RHBDD1: variants seen among roughly 807,000 people sequenced by gnomAD.
RHBDD1 encodes rhomboid-related protein 4.
In RHBDD1, 38 loss-of-function variants were observed where a neutral mutation model predicts 36.3. That is an observed-to-expected ratio of 1.05 (90% confidence interval 0.81 to 1.37). The LOEUF is 1.37. Among genes scored for constraint, RHBDD1 ranks in the 40% most tolerant of loss-of-function variants. The pLI is 0.00. For synonymous variants in RHBDD1, 151 were observed against 136.5 expected, an observed-to-expected ratio of 1.11 and a Z score of -0.74; for missense variants, 393 against 377.6, an observed-to-expected ratio of 1.04 and a Z score of -0.34.
intron 8 of RHBDD1, among the ~76,000 whole-genome samples, chr2:226,940,446 G>A (rs905329212): frequency 3.3e-5 from 5 of 152,076 alleles, no homozygotes; most frequent in East Asian, 1.9e-4. Flanking sequence ...AAAGAGCCAC[G>A]TTGTTAAAAA....
chr2:226,891,357 G>A (rs953876969), intron 5 of RHBDD1, among the ~76,000 whole-genome samples: 6 of 152,278 alleles, frequency 3.9e-5, no homozygotes, highest in East Asian at 3.9e-4. Flanking sequence ...TCACAATGTG[G>A]TACCTTCCTT....
chr2:226,913,707 A>G (rs1453606644), intron 7 of RHBDD1, among the ~76,000 whole-genome samples: 1 of 152,174 alleles, frequency 6.6e-6, no homozygotes, highest in East Asian at 1.9e-4. Flanking sequence ...TAGAATTACA[A>G]TTACAGAGAA....
intron 8 of RHBDD1, among the ~76,000 whole-genome samples, chr2:226,917,887 A>C (rs1199759550): frequency 6.6e-6 from 1 of 152,058 alleles, no homozygotes; most frequent in Non-Finnish European, 1.5e-5. Flanking sequence ...TTAAAAAGAA[A>C]AGAAATCATA....
At chr2:226,823,280 C>T in the RHBDD1 span, among the ~76,000 whole-genome samples, 2 of 152,206 alleles carry the variant, frequency 1.3e-5, no homozygotes, top group African/African-American at 4.8e-5. Context: ...CTTCCAGAAC[C>T]ATGAGCAATC....
At chr2:226,839,149 T>C (rs1941336873) in intron 2 of RHBDD1, among the ~76,000 whole-genome samples, 1 of 152,198 alleles carries the variant, frequency 6.6e-6, no homozygotes, top group African/African-American at 2.4e-5. Context: ...TGTGTTTATA[T>C]TGTATATGAA....
At chr2:226,847,316 A>G (rs1454310459) in intron 3 of RHBDD1, among the ~76,000 whole-genome samples, 2 of 152,234 alleles carry the variant, frequency 1.3e-5, no homozygotes, top group African/African-American at 2.4e-5. Flanking sequence ...CAGCACATGC[A>G]TGCTATTTTC....
At chr2:226,876,477 C>T (rs1945253137) in intron 5 of RHBDD1, among the ~76,000 whole-genome samples, 1 of 152,204 alleles carries the variant, frequency 6.6e-6, no homozygotes, top group Non-Finnish European at 1.5e-5. Context: ...TATCACATAT[C>T]ATCCTTATAC....
At chr2:226,895,593 T>C (rs1947040369) in intron 5 of RHBDD1, 1 of 807,910 alleles carries the variant, frequency 1.2e-6, no homozygotes, top group Admixed American at 6.2e-5. Context: ...GGGAGATTCT[T>C]GTCCAGTTAT....
At position 226,991,841 on chromosome 2, in the gene RHBDD1, C is replaced by T. The variant is rs989253108; in HGVS notation, c.857-3590C>T. 7.2e-5 allele frequency among the ~76,000 whole-genome samples: 11 copies of T among 152,252 alleles called. No individual in the cohort carries two copies. In the South Asian group the frequency reaches 1.7e-3, roughly 23 times the overall value. Reference sequence around the variant, plus strand: ...CCCTGGAAGTCCCCTTTTTCAGTAGCCTCCTCTCACGTATGAGTCAACTGG... The same window carrying T: ...CCCTGGAAGTCCCCTTTTTCAGTAGTCTCCTCTCACGTATGAGTCAACTGG... On this transcript the variant is annotated intron_variant, in intron 8 of 8. Transcript: ENST00000392062.
chr2:226,982,286 G>A (rs1333388704), intron 8 of RHBDD1, among the ~76,000 whole-genome samples: 5 of 152,210 alleles, frequency 3.3e-5, no homozygotes, highest in Non-Finnish European at 5.9e-5. Context: ...AAAGATGGAT[G>A]CCAGGTGGCT....
intron 3 of RHBDD1, among the ~76,000 whole-genome samples, chr2:226,860,656 G>C (rs1007392709): frequency 1.3e-4 from 20 of 152,144 alleles, no homozygotes; most frequent in African/African-American, 4.8e-4. Flanking sequence ...TAACTGATTA[G>C]GAAGGAAACT....
At chr2:226,859,164 G>A (rs1943607202) in intron 3 of RHBDD1, among the ~76,000 whole-genome samples, 1 of 152,130 alleles carries the variant, frequency 6.6e-6, no homozygotes, top group Admixed American at 6.5e-5. Context: ...CTAATCTTGA[G>A]TCATTTGAGA....
At chr2:226,985,190 C>T (rs1418715838) in intron 8 of RHBDD1, among the ~76,000 whole-genome samples, 2 of 152,160 alleles carry the variant, frequency 1.3e-5, no homozygotes, top group Admixed American at 6.5e-5. Flanking sequence ...GCAGCATGCA[C>T]AATAGCAGGA....
At chr2:226,922,922 A>G (rs1159172675) in intron 8 of RHBDD1, among the ~76,000 whole-genome samples, 1 of 152,032 alleles carries the variant, frequency 6.6e-6, no homozygotes, top group African/African-American at 2.4e-5. Flanking sequence ...CTACACTTTA[A>G]CTTTGTCCCC....
At chr2:226,910,351 T>C (rs539892581) in intron 7 of RHBDD1, among the ~76,000 whole-genome samples, 1 of 152,338 alleles carries the variant, frequency 6.6e-6, no homozygotes, top group South Asian at 2.1e-4. Flanking sequence ...TCTGAAGTGA[T>C]TGGATTTCTT....
At position 226,997,727 on chromosome 2, in the gene RHBDD1, T is replaced by G. The variant is rs1403613507; in HGVS notation, c.*2205T>G. On this transcript the variant is annotated 3_prime_UTR_variant, in exon 9 of 9. Coordinates refer to ENST00000392062, the MANE Select transcript of RHBDD1 (RefSeq NM_001167608.3). ...GGGATTAGATTTTGGGTGGTAAAAT[T>G]GTGATACGCATGGCTGTTGATGGAG... 1.3e-5 allele frequency: 2 copies of G among 152,214 alleles called. No individual in the cohort carries two copies. Among genetic ancestry groups the G allele is most frequent in the Non-Finnish European group, 2.9e-5 (2 of 68,046 alleles). 9.4% of individuals were successfully genotyped at this position (152,214 alleles called of 1,614,324 possible). A position where few individuals can be genotyped will look rare whatever the true frequency, so the allele number is the denominator to read the frequency against.
the RHBDD1 span, among the ~76,000 whole-genome samples, chr2:226,807,779 C>T: frequency 6.6e-6 from 1 of 152,136 alleles, no homozygotes; most frequent in South Asian, 2.1e-4. Context: ...GTATATAATA[C>T]AGCAGTGACG....
intron 5 of RHBDD1, among the ~76,000 whole-genome samples, chr2:226,888,470 C>G (rs1946413567): frequency 6.6e-6 from 1 of 151,440 alleles, no homozygotes; most frequent in Non-Finnish European, 1.5e-5. Flanking sequence ...AAAATCCAAA[C>G]CACCAGTGAC....
intron 8 of RHBDD1, among the ~76,000 whole-genome samples, chr2:226,950,303 G>A (rs1171035768): frequency 1.3e-5 from 2 of 152,142 alleles, no homozygotes; most frequent in Non-Finnish European, 2.9e-5. Context: ...TTGTCTTTCT[G>A]TGCCTGGCTT....
Sources: gnomAD v4.1 joint callset for allele counts (sites outside exome capture counted in the v4.1 genomes callset) on GRCh38, gnomAD v4.1.1 for gene constraint, MANE v1.5 for transcripts, NCBI Gene and HGNC (gene_info 2026-07-23, HGNC 2026-07-21) for gene names.